Variants in CACNG7 observed in about 807,000 individuals in gnomAD.
CACNG7 encodes calcium voltage-gated channel auxiliary subunit gamma 7, also known as voltage-dependent calcium channel gamma-7 subunit.
CACNG7 carries 9 observed loss-of-function variants against 26.3 expected under a neutral mutation model. The ratio of observed to expected loss-of-function variants is 0.34; its 90% confidence interval spans 0.21 to 0.60. The LOEUF (loss-of-function observed/expected upper bound fraction) is 0.60, where lower values mean the gene tolerates loss of function less well. CACNG7 is among the 20% of genes least tolerant of loss of function. CACNG7 has a pLI of 0.81. For missense variants in CACNG7, 297 were observed against 380.4 expected (o/e 0.78, Z 1.82); for synonymous variants, 170 against 157.0 (o/e 1.08, Z -0.62).
At position 53,913,026 on chromosome 19, in the gene CACNG7, A is replaced by C. The variant is rs73937618; in HGVS notation, c.195A>C (p.Ala65=). ...HAGLWRVCFF[A]GREKGRCVAS... ...GCCTCTGGCGAGTCTGCTTCTTTGC[A>C]GGTACAGCCCTCACCCGTCTTCCAC... Residue 65 remains alanine, a splice_region_variant and synonymous_variant, in exon 2 of 6, where the codon GCA becomes GCC. Transcript: ENST00000391767. The C allele has an allele frequency of 5.0e-6, 8 of 1,609,572 alleles. No homozygotes were observed. The African/African-American group carries it at 1.1e-4, about 21-fold the overall frequency.
At chr19:53,936,271 G>A (rs542780187) in intron 4 of CACNG7, among the ~76,000 whole-genome samples, 2 of 152,268 alleles carry the variant, frequency 1.3e-5, no homozygotes, top group East Asian at 3.9e-4. Context: ...CTGGAGGCCC[G>A]TGGTGTAGGT....
chr19:53,936,701 T>C lies in CACNG7; in HGVS notation c.425-4769T>C, dbSNP rs181763406. ...TCGGCTCACTGCAACCTCTGCCTCCTGGGTTCAAGCAATTCTTGTGCTTCA... is the reference window on the plus strand; with the variant it reads ...TCGGCTCACTGCAACCTCTGCCTCCCGGGTTCAAGCAATTCTTGTGCTTCA... On this transcript the variant is annotated intron_variant, in intron 4 of 5. Coordinates refer to ENST00000391767, the MANE Select transcript of CACNG7 (RefSeq NM_031896.5). 1.1e-4 allele frequency among the ~76,000 whole-genome samples: 17 copies of C among 152,030 alleles called. No individual in the cohort carries two copies. In the East Asian group the frequency reaches 3.3e-3, roughly 30 times the overall value.
rs1237010104 is a variant in CACNG7 at position 53,941,570 on chromosome 19, C to T, written c.525C>T (p.Tyr175=). 3 of 1,611,720 alleles carry T rather than the reference C, an allele frequency of 1.9e-6. No individual in the cohort carries two copies. Among genetic ancestry groups the T allele is most frequent in the Non-Finnish European group, 2.5e-6 (3 of 1,179,178 alleles). ...CTGAGCAGTATTTTCATTATCGCTA[C>T]GGGTGGTCTTTTGCCTTCGCCGCTT... ...SSSEQYFHYR[Y]GWSFAFAASS... The change falls in exon 5 of 6, where the codon TAC becomes TAT. Residue 175 remains tyrosine, a synonymous_variant. Transcript: ENST00000391767.
rs1191074169 is a variant in CACNG7, at chr19:53,909,967, G to C, written c.-30+450G>C. On this transcript the variant is annotated intron_variant, in intron 1 of 5. Coordinates refer to ENST00000391767, the MANE Select transcript of CACNG7 (RefSeq NM_031896.5). The surrounding 1 kb of genome is among the most constrained non-coding windows in gnomAD (Gnocchi z 5.1). The stretch of plus-strand genomic sequence containing the variant: ...CCCGGAGATTCAAATGCCTGAATCC[G>C]GGAAAGGGTGGGAGAAAGAGGGAGA... Among the ~76,000 whole-genome samples, 1 of 152,122 alleles carries C rather than the reference G, an allele frequency of 6.6e-6. No individual in the cohort carries two copies. The highest frequency in any genetic ancestry group is 1.5e-5 in the Non-Finnish European group (1 of 68,020).
intron 4 of CACNG7, among the ~76,000 whole-genome samples, chr19:53,924,083 T>G (rs1599983404): frequency 8.0e-6 from 1 of 124,966 alleles, no homozygotes; most frequent in South Asian, 2.6e-4. Flanking sequence ...TGGTCATTGG[T>G]GGAGTTGTCC....
At position 53,942,469 on chromosome 19, in the gene CACNG7, A is replaced by C; in HGVS notation, c.*176A>C. The C allele has an allele frequency of 6.9e-7, 1 of 1,442,062 alleles. No individual in the cohort carries two copies. Among genetic ancestry groups the C allele is most frequent in the Non-Finnish European group, 9.1e-7 (1 of 1,103,524 alleles). The allele number at this position is 1,442,062 out of a possible 1,614,324, so 89.3% of individuals were successfully genotyped here. ...CTCCGCCCACAGACTCCCTTATTTC[A>C]ATGGCCGCGCCCTCTTTTCCCGACC... On this transcript the variant is annotated 3_prime_UTR_variant, in exon 6 of 6. Coordinates refer to ENST00000391767, the MANE Select transcript of CACNG7 (RefSeq NM_031896.5). The surrounding 1 kb of genome is among the most constrained non-coding windows in gnomAD (Gnocchi z 5.9).
At chr19:53,924,957 G>C (rs575558717) in intron 4 of CACNG7, among the ~76,000 whole-genome samples, 22 of 146,708 alleles carry the variant, frequency 1.5e-4, no homozygotes, top group African/African-American at 5.4e-4. Context: ...TCCCAGGCTG[G>C]TGATTGGTGG....
chr19:53,918,885 C>T (rs1377465498), intron 4 of CACNG7, among the ~76,000 whole-genome samples: 1 of 152,194 alleles, frequency 6.6e-6, no homozygotes, highest in Non-Finnish European at 1.5e-5. Context: ...TCTCCTGCCT[C>T]AGCCTCCCGA....
intron 4 of CACNG7, among the ~76,000 whole-genome samples, chr19:53,920,258 T>C (rs1355482401): frequency 1.3e-5 from 1 of 77,352 alleles, no homozygotes; most frequent in African/African-American, 7.5e-5. Context: ...AGGCTGGTCA[T>C]TGGTGGAGTT....
intron 3 of CACNG7, 38 bp from the exon 4 acceptor site, chr19:53,915,327 T>TC (rs1435145114): frequency 2.7e-6 from 4 of 1,502,380 alleles, no homozygotes; most frequent in East Asian, 2.3e-5. Flanking sequence ...CACTGGAGAT[T>TC]CCCCCCTCAC....
At chr19:53,921,002 G>C (rs1397555080) in intron 4 of CACNG7, among the ~76,000 whole-genome samples, 191 of 81,708 alleles carry the variant, frequency 2.3e-3, no homozygotes, top group African/African-American at 0.017. Flanking sequence ...CCCCAGGCTG[G>C]TCATTGGTGG....
chr19:53,924,517 G>T (rs1203554372), intron 4 of CACNG7, among the ~76,000 whole-genome samples: 2 of 150,372 alleles, frequency 1.3e-5, no homozygotes, highest in East Asian at 2.0e-4. Context: ...CCTGGTTATT[G>T]GTGGAGTTGC....
Position 53,916,798 on chromosome 19 carries a change from C to CT in CACNG7, c.424+1310dup, listed in dbSNP as rs1181417496. Among the ~76,000 whole-genome samples, 778 of 120,012 alleles carry CT rather than the reference C, an allele frequency of 6.5e-3. 7 individuals carry two copies. The highest frequency in any genetic ancestry group is 0.022 in the South Asian group (83 of 3,756). 78.7% of individuals were successfully genotyped at this position (120,012 alleles called of 152,430 possible). ...TACAGGTGTGAGCCCCTGCGCCTGG[C>CT]TTTTTTTTTTTTTTTTTGAGACGGA... On this transcript the variant is annotated intron_variant, in intron 4 of 5. Transcript: ENST00000391767.
At chr19:53,910,198 A>T (rs1273716366) in intron 1 of CACNG7, among the ~76,000 whole-genome samples, 1 of 152,084 alleles carries the variant, frequency 6.6e-6, no homozygotes, top group Admixed American at 6.6e-5. Flanking sequence ...CCTGGGATGG[A>T]GGCAGCCAGG....
intron 4 of CACNG7, among the ~76,000 whole-genome samples, chr19:53,919,371 C>G (rs1395693873): frequency 6.6e-6 from 1 of 151,688 alleles, no homozygotes; most frequent in Non-Finnish European, 1.5e-5. Context: ...GTGGAGTTGT[C>G]CCAGGTCTGG....
chr19:53,926,132 C>T lies in CACNG7; in HGVS notation c.424+10627C>T, dbSNP rs2069029414. Among the ~76,000 whole-genome samples, 5 of 152,302 alleles carry T rather than the reference C, an allele frequency of 3.3e-5. No homozygotes were observed. The South Asian group carries it at 1.0e-3, about 32-fold the overall frequency. On this transcript the variant is annotated intron_variant, in intron 4 of 5. Coordinates refer to ENST00000391767, the MANE Select transcript of CACNG7 (RefSeq NM_031896.5). ...ATGTGCACTCACTCACAGAACAGCT[C>T]CCGACTACCTGTCAGTCAAAGCTTT...
At position 53,942,104 on chromosome 19, in the gene CACNG7, C is replaced by T; in HGVS notation, c.639C>T (p.His213=). The T allele has an allele frequency of 6.2e-7, 1 of 1,614,006 alleles. No individual in the cohort carries two copies. Among genetic ancestry groups the T allele is most frequent in the Middle Eastern group, 1.7e-4 (1 of 6,060 alleles). The change falls in exon 6 of 6, where the codon CAC becomes CAT. Residue 213 remains histidine, a synonymous_variant. Coordinates refer to ENST00000391767, the MANE Select transcript of CACNG7 (RefSeq NM_031896.5). The surrounding 1 kb of genome is among the most constrained non-coding windows in gnomAD (Gnocchi z 5.9). The part of the protein sequence containing the change: ...RYAEEEMYRP[H]PAFYRPRLSD... ...CGGAGGAGGAGATGTACCGTCCACA[C>T]CCGGCCTTCTACCGCCCGCGTCTCA...
intron 4 of CACNG7, among the ~76,000 whole-genome samples, chr19:53,932,252 T>TA (rs765449244): frequency 0.095 from 5,012 of 52,902 alleles, 179 homozygotes; most frequent in Middle Eastern, 0.22. Context: ...AGGCCCTGTC[T>TA]AAAAAAAAAA....
At position 53,923,041 on chromosome 19, in the gene CACNG7, C is replaced by T. The variant is rs139442201; in HGVS notation, c.424+7536C>T. ...GGCCTGGTCATTGGTGCAGTTGTCC[C>T]AGGCCTGGTCATTGGTGCAGTTGTC... On this transcript the variant is annotated intron_variant, in intron 4 of 5. Coordinates refer to ENST00000391767, the MANE Select transcript of CACNG7 (RefSeq NM_031896.5). Among the ~76,000 whole-genome samples the T allele has an allele frequency of 8.5e-4, 65 of 76,640 alleles. 4 individuals are homozygous for T. Among genetic ancestry groups the T allele is most frequent in the African/African-American group, 2.5e-3 (35 of 14,150 alleles). 50.3% of individuals were successfully genotyped at this position (76,640 alleles called of 152,430 possible).
Sources: allele counts gnomAD v4.1 joint callset (sites outside exome capture counted in the v4.1 genomes callset), GRCh38; gene constraint gnomAD v4.1.1; non-coding constraint Gnocchi (gnomAD v3.1); transcripts MANE v1.5; gene names NCBI Gene and HGNC (gene_info 2026-07-23, HGNC 2026-07-21).